NTN1: variants seen among roughly 807,000 people sequenced by gnomAD.
NTN1 encodes the protein netrin 1.
A neutral mutation model predicts 54.2 loss-of-function variants in NTN1; 11 were observed. That is an observed-to-expected ratio of 0.20 (90% confidence interval 0.13 to 0.34). The LOEUF (loss-of-function observed/expected upper bound fraction) is 0.34. NTN1 is among the 10% of genes least tolerant of loss of function. The pLI is 1.00. For synonymous variants in NTN1, 371 were observed against 382.0 expected (o/e 0.97, Z 0.33); for missense variants, 740 against 893.1 (o/e 0.83, Z 2.18).
rs541359925 is a variant in NTN1 at position 9,043,809 on chromosome 17, A to C, written c.1018+20418A>C. Among the ~76,000 whole-genome samples, 376 of 151,954 alleles carry C rather than the reference A, an allele frequency of 2.5e-3. 2 individuals carry two copies. The highest frequency in any genetic ancestry group is 8.8e-3 in the African/African-American group (363 of 41,466). Reference sequence around the variant, plus strand: ...TGGTCAGGCTGGTCTCAAACTCCGGACCTCAGGTGATCCACCCGCCTCGGC... The same window carrying C: ...TGGTCAGGCTGGTCTCAAACTCCGGCCCTCAGGTGATCCACCCGCCTCGGC... On this transcript the variant is annotated intron_variant, in intron 2 of 6. Transcript: ENST00000173229.
chr17:9,243,305 AGCTG>A lies in NTN1; in HGVS notation c.*3338_*3341del, dbSNP rs1224134568. 1.2e-4 allele frequency: 18 copies of A among 152,174 alleles called. No homozygotes were observed. Among genetic ancestry groups the A allele is most frequent in the Admixed American group, 1.2e-3 (18 of 15,278 alleles). The allele number at this position is 152,174 out of a possible 1,614,324, so 9.4% of individuals were successfully genotyped here. ...AGGGTCACAGCCCAGGGAGGCTGGG[AGCTG>A]CTCCAAGGCCCTGGAACTCTGCCTC... is the stretch of plus-strand genomic sequence containing the variant. On this transcript the variant is annotated 3_prime_UTR_variant, in exon 7 of 7. Coordinates refer to ENST00000173229, the MANE Select transcript of NTN1 (RefSeq NM_004822.3).
chr17:9,204,640 CGGT>C (rs1904921337), intron 5 of NTN1, among the ~76,000 whole-genome samples: 1 of 152,158 alleles, frequency 6.6e-6, no homozygotes, highest in African/African-American at 2.4e-5. Flanking sequence ...GTCTATCAGT[CGGT>C]GGCAAATGGC....
In NTN1 at chr17:9,243,854, A is replaced by AAG. The variant is rs1906316350; in HGVS notation, c.*3887_*3888insGA. The AAG allele has an allele frequency of 6.9e-6, 1 of 144,976 alleles. No homozygotes were observed. Among genetic ancestry groups the AAG allele is most frequent in the Non-Finnish European group, 1.5e-5 (1 of 66,378 alleles). 9.0% of individuals were successfully genotyped at this position (144,976 alleles called of 1,614,324 possible). A position where few individuals can be genotyped will look rare whatever the true frequency, so the allele number is the denominator to read the frequency against. On this transcript the variant is annotated 3_prime_UTR_variant, in exon 7 of 7. Transcript: ENST00000173229. ...ATATGAATATATTTAATGACATGGA[A>AAG]AAAGTTGTGGATTTTCTTTCTTTCC...
At chr17:9,183,365 A>G in intron 5 of NTN1, 1 of 494,136 alleles carries the variant, frequency 2.0e-6, no homozygotes, top group Non-Finnish European at 4.1e-6. Context: ...AGGGTCGCAC[A>G]AGCAGAATGC....
intron 2 of NTN1, among the ~76,000 whole-genome samples, chr17:9,131,282 A>G (rs1256211636): frequency 2.6e-5 from 4 of 152,146 alleles, no homozygotes; most frequent in Non-Finnish European, 5.9e-5. Context: ...ATTTTTCTTC[A>G]TGACACTTAG....
At chr17:9,124,130 A>T (rs956010941) in intron 2 of NTN1, among the ~76,000 whole-genome samples, 7 of 152,176 alleles carry the variant, frequency 4.6e-5, no homozygotes, top group African/African-American at 1.7e-4. Flanking sequence ...CCTCTGTTCC[A>T]TGACCACATC....
chr17:9,035,386 G>A (rs2091900564), intron 2 of NTN1, among the ~76,000 whole-genome samples: 1 of 152,160 alleles, frequency 6.6e-6, no homozygotes, highest in African/African-American at 2.4e-5. Context: ...TGATATAAAT[G>A]TATCACAGGG....
At position 9,022,909 on chromosome 17, in the gene NTN1, C is replaced by A. The variant is rs2091857418; in HGVS notation, c.536C>A (p.Thr179Lys). Residue 179 changes from threonine (T) to lysine (K), a missense_variant, in exon 2 of 7, where the codon ACG (threonine) becomes AAG (lysine). Coordinates refer to ENST00000173229, the MANE Select transcript of NTN1 (RefSeq NM_004822.3). The stretch of plus-strand genomic sequence containing the variant: ...TGGGTGCCCTTCCAGTTCTACTCCA[C>A]GCAGTGCCGCAAGATGTACAACCGG... ...RTWVPFQFYS[T>K]QCRKMYNRPH... The A allele has an allele frequency of 6.2e-7, 1 of 1,612,136 alleles. No individual in the cohort carries two copies. Among genetic ancestry groups the A allele is most frequent in the African/African-American group, 1.3e-5 (1 of 74,870 alleles).
chr17:9,037,127 C>T (rs2091905974), intron 2 of NTN1, among the ~76,000 whole-genome samples: 1 of 152,310 alleles, frequency 6.6e-6, no homozygotes, highest in Non-Finnish European at 1.5e-5. Flanking sequence ...TCCTCCCAAC[C>T]CCCCAGGGTA....
intron 5 of NTN1, among the ~76,000 whole-genome samples, chr17:9,207,924 T>TTTAAAAGATG (rs1264910164): frequency 6.6e-6 from 1 of 152,040 alleles, no homozygotes; most frequent in Non-Finnish European, 1.5e-5. Context: ...TGTCAAAGAG[T>TTTAAAAGATG]TTGGCAGGTT....
chr17:9,093,623 G>C (rs543175377), intron 2 of NTN1, among the ~76,000 whole-genome samples: 2 of 152,360 alleles, frequency 1.3e-5, no homozygotes, highest in Non-Finnish European at 2.9e-5. Flanking sequence ...GCCTCTCAAA[G>C]TGTAGGATTA....
chr17:9,233,306 C>G (rs904642173), intron 6 of NTN1, among the ~76,000 whole-genome samples: 8 of 152,066 alleles, frequency 5.3e-5, no homozygotes, highest in Non-Finnish European at 2.9e-5. Flanking sequence ...GTTGTTTATT[C>G]GGGGCTGGGC....
chr17:9,054,380 C>G (rs1021195709), intron 2 of NTN1, among the ~76,000 whole-genome samples: 9 of 152,196 alleles, frequency 5.9e-5, no homozygotes, highest in Non-Finnish European at 1.3e-4. Context: ...CAGGTCGGCC[C>G]GACCTGCCTC....
intron 2 of NTN1, among the ~76,000 whole-genome samples, chr17:9,150,351 G>A (rs1229416241): frequency 6.6e-6 from 1 of 152,232 alleles, no homozygotes; most frequent in Non-Finnish European, 1.5e-5. Flanking sequence ...GAACAGGGCA[G>A]TGACAAATGA....
chr17:9,160,801 C>CA (rs2092355029), intron 2 of NTN1, among the ~76,000 whole-genome samples: 1 of 151,486 alleles, frequency 6.6e-6, no homozygotes. Flanking sequence ...AAAAAAAATA[C>CA]AAAAAATTCG....
chr17:9,063,548 G>T lies in NTN1; in HGVS notation c.1018+40157G>T, dbSNP rs371325378. On this transcript the variant is annotated intron_variant, in intron 2 of 6. Transcript: ENST00000173229. The stretch of plus-strand genomic sequence containing the variant: ...GAGGTAAGTGCAGGTGGTTAGCAGA[G>T]CAAAGTTTTTTTTTTTTTGGTGACA... Among the ~76,000 whole-genome samples, 3 of 150,944 alleles carry T rather than the reference G, an allele frequency of 2.0e-5. No homozygotes were observed. The South Asian group carries it at 6.2e-4, about 31-fold the overall frequency.
intron 2 of NTN1, among the ~76,000 whole-genome samples, chr17:9,105,411 A>C (rs72811912): frequency 0.074 from 11,263 of 152,218 alleles, 580 homozygotes; most frequent in Middle Eastern, 0.15. Context: ...AAGGCTTAGG[A>C]ACATTTGGGG....
rs769069239 is a variant in NTN1 at position 9,162,898 on chromosome 17, C to T, written c.1104C>T (p.Cys368=). The part of the protein sequence containing the change: ...KLSGRKSGGV[C]LNCRHNTAGR... Reference sequence around the variant, plus strand: ...CGGGGCGCAAGAGCGGAGGTGTCTGCCTCAACTGTCGCCACAACACCGCCG... The same window carrying T: ...CGGGGCGCAAGAGCGGAGGTGTCTGTCTCAACTGTCGCCACAACACCGCCG... The change falls in exon 3 of 7, where the codon TGC becomes TGT. Residue 368 remains cysteine, a synonymous_variant. Coordinates refer to ENST00000173229, the MANE Select transcript of NTN1 (RefSeq NM_004822.3). 1 of 1,613,976 alleles carries T rather than the reference C, an allele frequency of 6.2e-7. No individual in the cohort carries two copies. Among genetic ancestry groups the T allele is most frequent in the Non-Finnish European group, 8.5e-7 (1 of 1,179,966 alleles).
intron 2 of NTN1, among the ~76,000 whole-genome samples, chr17:9,025,898 T>C (rs1424123589): frequency 6.6e-6 from 1 of 152,240 alleles, no homozygotes; most frequent in Non-Finnish European, 1.5e-5. Context: ...AACTTTGGAC[T>C]ATCAGAGGCT....
Sources: allele counts gnomAD v4.1 joint callset (sites outside exome capture counted in the v4.1 genomes callset), GRCh38; gene constraint gnomAD v4.1.1; transcripts MANE v1.5; gene names NCBI Gene and HGNC (gene_info 2026-07-23, HGNC 2026-07-21).